The following PPM1E variants were observed in gnomAD, a reference collection of about 807,000 sequenced individuals.
PPM1E encodes protein phosphatase 1E.
In PPM1E, 20 loss-of-function variants were observed where a neutral mutation model predicts 65.9. That is an observed-to-expected ratio of 0.30 (90% CI 0.21 to 0.44). PPM1E has a LOEUF of 0.44. PPM1E is among the 20% of genes least tolerant of loss of function. The pLI is 1.00. For synonymous variants in PPM1E, 352 were observed against 374.9 expected (o/e 0.94, Z 0.70); for missense variants, 713 against 953.1 (o/e 0.75, Z 3.32).
intron 1 of PPM1E, among the ~76,000 whole-genome samples, chr17:58,878,992 C>T (rs1275501060): frequency 6.6e-6 from 1 of 151,756 alleles, no homozygotes; most frequent in African/African-American, 2.4e-5. Context: ...CTCACCTTGC[C>T]ATTTATTTTT....
intron 1 of PPM1E, among the ~76,000 whole-genome samples, chr17:58,796,970 G>T (rs1430458904): frequency 6.6e-6 from 1 of 152,082 alleles, no homozygotes; most frequent in Non-Finnish European, 1.5e-5. Flanking sequence ...GCTAGGTGTG[G>T]TGACGGGTGC....
At position 58,982,865 on chromosome 17, in the gene PPM1E, C is replaced by CT; in HGVS notation, c.*1835dup. ...GGTCCTCACTCATATCTGTCACCTT[C>CT]TGAAGCCTAGATCTTGTTAACCCAT... On this transcript the variant is annotated 3_prime_UTR_variant, in exon 7 of 7. Transcript: ENST00000308249. 1 of 1,548,408 alleles carries CT rather than the reference C, an allele frequency of 6.5e-7. No individual in the cohort carries two copies. Among genetic ancestry groups the CT allele is most frequent in the Non-Finnish European group, 8.8e-7 (1 of 1,138,756 alleles).
intron 3 of PPM1E, chr17:58,966,281 GA>G (rs1415048306): frequency 2.7e-6 from 1 of 364,454 alleles, no homozygotes; most frequent in Non-Finnish European, 5.2e-6. Flanking sequence ...TTGGGAGGCT[GA>G]TACGGGAGGA....
chr17:58,905,402 G>A (rs2051546531), intron 1 of PPM1E, among the ~76,000 whole-genome samples: 1 of 152,064 alleles, frequency 6.6e-6, no homozygotes, highest in Admixed American at 6.6e-5. Flanking sequence ...TTAACTGAGA[G>A]TTTTTATCAT....
chr17:58,890,443 A>G (rs1034940345), intron 1 of PPM1E, among the ~76,000 whole-genome samples: 2 of 152,198 alleles, frequency 1.3e-5, no homozygotes, highest in African/African-American at 2.4e-5. Flanking sequence ...CAAGAAGGCA[A>G]AACAAACATT....
chr17:58,857,933 T>C (rs1395839091), intron 1 of PPM1E, among the ~76,000 whole-genome samples: 3 of 152,182 alleles, frequency 2.0e-5, no homozygotes, highest in Admixed American at 6.5e-5. Context: ...CTACATATTA[T>C]GCTTTGTTCA....
chr17:58,905,452 T>C lies in PPM1E; in HGVS notation c.465-50197T>C, dbSNP rs1195435104. Among the ~76,000 whole-genome samples, 9 of 152,256 alleles carry C rather than the reference T, an allele frequency of 5.9e-5. No homozygotes were observed. In the East Asian group the frequency reaches 1.7e-3, roughly 29 times the overall value. On this transcript the variant is annotated intron_variant, in intron 1 of 6. Coordinates refer to ENST00000308249, the MANE Select transcript of PPM1E (RefSeq NM_014906.5). ...TTTTATCAAGTGCTTTTTCTGCATC[T>C]TTTGATATGATCATGTAATTTTTCT...
At chr17:58,809,875 A>G (rs1191639222) in intron 1 of PPM1E, among the ~76,000 whole-genome samples, 1 of 152,276 alleles carries the variant, frequency 6.6e-6, no homozygotes, top group African/African-American at 2.4e-5. Flanking sequence ...CAAATTACAA[A>G]TGCAAGCCAC....
At chr17:58,918,505 T>A (rs906398015) in intron 1 of PPM1E, among the ~76,000 whole-genome samples, 2 of 152,174 alleles carry the variant, frequency 1.3e-5, no homozygotes, top group Admixed American at 1.3e-4. Context: ...CTCCCAAATA[T>A]AGCTTTTTAA....
chr17:58,954,087 C>T (rs949354052), intron 1 of PPM1E, among the ~76,000 whole-genome samples: 60 of 152,162 alleles, frequency 3.9e-4, no homozygotes, highest in African/African-American at 1.3e-3. Flanking sequence ...TTGATTTCTA[C>T]TTTACCCCAC....
At chr17:58,776,826 C>T (rs9894861) in intron 1 of PPM1E, among the ~76,000 whole-genome samples, 2 of 152,040 alleles carry the variant, frequency 1.3e-5, no homozygotes, top group East Asian at 1.9e-4. Context: ...ATCAGGACAG[C>T]TCAGAAGAAG....
chr17:58,956,464 A>C (rs1362500884), intron 2 of PPM1E, among the ~76,000 whole-genome samples: 1 of 152,114 alleles, frequency 6.6e-6, no homozygotes, highest in East Asian at 1.9e-4. Context: ...AAAAACAAAA[A>C]AAAAAACCTT....
At chr17:58,757,925 A>G (rs2049784378) in intron 1 of PPM1E, among the ~76,000 whole-genome samples, 1 of 152,192 alleles carries the variant, frequency 6.6e-6, no homozygotes. Flanking sequence ...TTTAGAGTAT[A>G]TCTGGTCTTT....
At chr17:58,837,320 A>ACACACACAC (rs1567849044) in intron 1 of PPM1E, among the ~76,000 whole-genome samples, 2 of 120,242 alleles carry the variant, frequency 1.7e-5, no homozygotes, top group African/African-American at 3.3e-5. Context: ...GAATGAGAAT[A>ACACACACAC]ACACACACAC....
intron 1 of PPM1E, among the ~76,000 whole-genome samples, chr17:58,872,314 A>G (rs1317719750): frequency 6.6e-6 from 1 of 152,210 alleles, no homozygotes; most frequent in Non-Finnish European, 1.5e-5. Flanking sequence ...AAGTAAAAGG[A>G]AAATAAATAA....
intron 1 of PPM1E, among the ~76,000 whole-genome samples, chr17:58,833,461 T>C (rs1598600010): frequency 6.6e-6 from 1 of 151,796 alleles, no homozygotes; most frequent in African/African-American, 2.4e-5. Context: ...CTCCCACTTA[T>C]AAGTGAGAAC....
intron 6 of PPM1E, among the ~76,000 whole-genome samples, chr17:58,973,511 C>A (rs2030783169): frequency 6.6e-6 from 1 of 151,176 alleles, no homozygotes; most frequent in Admixed American, 6.6e-5. Context: ...GTACCCAAAT[C>A]TGCTTCAAAC....
intron 1 of PPM1E, among the ~76,000 whole-genome samples, chr17:58,932,818 A>G (rs2051920189): frequency 6.6e-6 from 1 of 152,212 alleles, no homozygotes; most frequent in Admixed American, 6.5e-5. Context: ...GAAAAACAAA[A>G]TACAGTCAGG....
At chr17:58,936,500 T>C (rs2051982673) in intron 1 of PPM1E, among the ~76,000 whole-genome samples, 1 of 152,176 alleles carries the variant, frequency 6.6e-6, no homozygotes, top group Admixed American at 6.5e-5. Context: ...AGCAATGCTA[T>C]GCCAAGACTG....
Sources: gnomAD v4.1 joint callset for allele counts (sites outside exome capture counted in the v4.1 genomes callset) on GRCh38, gnomAD v4.1.1 for gene constraint, MANE v1.5 for transcripts, NCBI Gene and HGNC (gene_info 2026-07-23, HGNC 2026-07-21) for gene names.